CBX2: variants seen among roughly 807,000 people sequenced by gnomAD.
CBX2 encodes the protein chromobox protein homolog 2.
CBX2 carries 11 observed loss-of-function variants against 21.0 expected under a neutral mutation model. The ratio of observed to expected loss-of-function variants is 0.52; its 90% confidence interval spans 0.33 to 0.87. CBX2 has a LOEUF of 0.87. Ranked by LOEUF, CBX2 falls within the 40% of genes least tolerant of loss-of-function variation. CBX2 has a pLI of 0.02. For missense variants in CBX2, 746 were observed against 724.3 expected (o/e 1.03, Z -0.34); for synonymous variants, 364 against 304.6 (o/e 1.19, Z -2.03).
At position 79,784,871 on chromosome 17, in the gene CBX2, G is replaced by T. The variant is rs140909251; in HGVS notation, c.1428G>T (p.Pro476=). The T allele has an allele frequency of 2.4e-5, 39 of 1,613,118 alleles. No individual in the cohort carries two copies. Among genetic ancestry groups the T allele is most frequent in the South Asian group, 3.3e-5 (3 of 91,086 alleles). The part of the protein sequence containing the change: ...SSDSDPDSAS[P]PSTGQNPSVS... ...ACTCCGACCCCGACTCCGCCTCGCC[G>T]CCCAGCACTGGACAGAACCCGTCAG... The change falls in exon 5 of 5, where the codon CCG becomes CCT. Residue 476 remains proline, a synonymous_variant. Coordinates refer to ENST00000310942, the MANE Select transcript of CBX2 (RefSeq NM_005189.3). The surrounding 1 kb of genome is among the most constrained non-coding windows in gnomAD (Gnocchi z 5.9).
upstream of CBX2, among the ~76,000 whole-genome samples, chr17:79,777,681 CGG>C (rs1404010532): frequency 6.6e-6 from 1 of 152,060 alleles, no homozygotes; most frequent in Non-Finnish European, 1.5e-5. Flanking sequence ...TTCAAGAAGC[CGG>C]GGGAAGGGTG....
chr17:79,782,106 G>C, intron 4 of CBX2: 1 of 1,613,408 alleles, frequency 6.2e-7, no homozygotes, highest in East Asian at 2.2e-5. Flanking sequence ...CCTCCCAGGG[G>C]GTCCTTGGGG....
rs1185577539 is a variant in CBX2, at chr17:79,786,320, A to G, written c.*1278A>G. ...AGTATCATTTTCCCTGACAATCCCC[A>G]TCACCTTTAGGGGTTCCCTGCTTGG... On this transcript the variant is annotated 3_prime_UTR_variant, in exon 5 of 5. Transcript: ENST00000310942. 1 of 152,686 alleles carries G rather than the reference A, an allele frequency of 6.5e-6. No individual in the cohort carries two copies. The highest frequency in any genetic ancestry group is 2.4e-5 in the African/African-American group (1 of 41,450). The allele number at this position is 152,686 out of a possible 1,614,324, so 9.5% of individuals were successfully genotyped here. A position where few individuals can be genotyped will look rare whatever the true frequency, so the allele number is the denominator to read the frequency against.
Position 79,787,590 on chromosome 17 carries a change from G to T in CBX2, c.*2548G>T, listed in dbSNP as rs1178836720. On this transcript the variant is annotated 3_prime_UTR_variant, in exon 5 of 5. Transcript: ENST00000310942. ...TTTTTATTTGCTGCTATTTGTGTGT[G>T]TGTTTGTGTTTGTGTAGCTAGGTAT... 6.6e-6 allele frequency: 1 copy of T among 152,446 alleles called. No individual in the cohort carries two copies. Among genetic ancestry groups the T allele is most frequent in the Non-Finnish European group, 1.5e-5 (1 of 68,044 alleles). 9.4% of individuals were successfully genotyped at this position (152,446 alleles called of 1,614,324 possible).
chr17:79,779,085 C>T (rs1906963121), intron 2 of CBX2, among the ~76,000 whole-genome samples: 1 of 152,226 alleles, frequency 6.6e-6, no homozygotes, highest in African/African-American at 2.4e-5. Flanking sequence ...GTTTGTTTTT[C>T]TCCCAGGCAG....
At chr17:79,777,871 C>G (rs1486549537), upstream of CBX2, among the ~76,000 whole-genome samples, 1 of 150,262 alleles carries the variant, frequency 6.7e-6, no homozygotes, top group African/African-American at 2.4e-5. Context: ...GCGCCCCAGG[C>G]CCGAAGTCCC....
Position 79,785,067 on chromosome 17 carries a change from G to A in CBX2, c.*25G>A. 1.3e-6 allele frequency: 2 copies of A among 1,575,568 alleles called. No individual in the cohort carries two copies. Among genetic ancestry groups the A allele is most frequent in the Non-Finnish European group, 1.7e-6 (2 of 1,158,558 alleles). On this transcript the variant is annotated 3_prime_UTR_variant, in exon 5 of 5. Transcript: ENST00000310942. ...AAGCCCCGGCGCCACCAGCTGCGCG[G>A]TCTTACTCCCCTTCCCTGCCTATGG...
At position 79,787,075 on chromosome 17, in the gene CBX2, G is replaced by A. The variant is rs4335800; in HGVS notation, c.*2033G>A. 10 of 152,556 alleles carry A rather than the reference G, an allele frequency of 6.6e-5. No homozygotes were observed. The highest frequency in any genetic ancestry group is 2.4e-4 in the African/African-American group (10 of 41,592). 9.5% of individuals were successfully genotyped at this position (152,556 alleles called of 1,614,324 possible). ...GTAAGGGGAAGAGCTGCTCCCACAG[G>A]AGAGGGAGAGATTCCAGCTCACTGC... On this transcript the variant is annotated 3_prime_UTR_variant, in exon 5 of 5. Transcript: ENST00000310942.
In CBX2 at chr17:79,779,770, A is replaced by C. The variant is rs577416527; in HGVS notation, c.182+343A>C. The stretch of plus-strand genomic sequence containing the variant: ...GCCTTTTCTGCTGAGTAATTTGCAC[A>C]TGGCGCTAACAGAAAACCAGGAGAG... On this transcript the variant is annotated intron_variant, in intron 3 of 4. Coordinates refer to ENST00000310942, the MANE Select transcript of CBX2 (RefSeq NM_005189.3). 8 of 345,094 alleles carry C rather than the reference A, an allele frequency of 2.3e-5. No homozygotes were observed. The East Asian group carries it at 5.1e-4, about 22-fold the overall frequency. 21.4% of individuals were successfully genotyped at this position (345,094 alleles called of 1,614,324 possible).
At position 79,779,447 on chromosome 17, in the gene CBX2, TGGGGAGG is replaced by T; in HGVS notation, c.182+22_182+28del. 1 of 1,534,288 alleles carries T rather than the reference TGGGGAGG, an allele frequency of 6.5e-7. No individual in the cohort carries two copies. ...GAAGAAGTGAGGACGCTGACAGCAC[TGGGGAGG>T]GTGTGGGGGAGGGACGGTGGCTGGT... On this transcript the variant is annotated intron_variant, in intron 3 of 4. Transcript: ENST00000310942.
chr17:79,782,404 G>A (rs1555830630), intron 4 of CBX2: 1 of 1,364,736 alleles, frequency 7.3e-7, no homozygotes, highest in Non-Finnish European at 9.5e-7. Context: ...AGGTATGCAT[G>A]CGCCCCTGGG....
Position 79,779,346 on chromosome 17 carries a change from G to A in CBX2, c.117-16G>A. 1 of 1,612,906 alleles carries A rather than the reference G, an allele frequency of 6.2e-7. No individual in the cohort carries two copies. Among genetic ancestry groups the A allele is most frequent in the Non-Finnish European group, 8.5e-7 (1 of 1,179,606 alleles). ...TCAGCCTGGCGTCTAATGCTGCCCT[G>A]TCCTCTGCTTTGCAGACATAACAGC... On this transcript the variant is annotated splice_polypyrimidine_tract_variant and intron_variant, in intron 2 of 4. Coordinates refer to ENST00000310942, the MANE Select transcript of CBX2 (RefSeq NM_005189.3).
At position 79,784,586 on chromosome 17, in the gene CBX2, C is replaced by T. The variant is rs781965390; in HGVS notation, c.1143C>T (p.Val381=). ...GCCACGCCACCGCCACCAAGGGTGT[C>T]CCGGCCACCAACCCAGCCCCTGGGA... The part of the protein sequence containing the change: ...LARHATATKG[V]PATNPAPGKG... Residue 381 remains valine, a synonymous_variant, in exon 5 of 5, where the codon GTC becomes GTT. Transcript: ENST00000310942. This position sits in a 1 kb window ranked among gnomAD's most constrained non-coding sequence, Gnocchi z 5.9. 1 of 1,612,648 alleles carries T rather than the reference C, an allele frequency of 6.2e-7. No individual in the cohort carries two copies. The highest frequency in any genetic ancestry group is 8.5e-7 in the Non-Finnish European group (1 of 1,179,928).
Position 79,784,703 on chromosome 17 carries a change from G to A in CBX2, c.1260G>A (p.Ala420=), listed in dbSNP as rs530910308. 15 of 1,611,298 alleles carry A rather than the reference G, an allele frequency of 9.3e-6. No homozygotes were observed. The highest frequency in any genetic ancestry group is 3.3e-5 in the Admixed American group (2 of 59,834). The part of the protein sequence containing the change: ...KSEKLASRAV[A]PPTPASKRDC... Reference sequence around the variant, plus strand: ...AGAAGCTGGCTTCCAGAGCAGTGGCGCCACCCACCCCTGCCAGCAAGAGGG... The same window carrying A: ...AGAAGCTGGCTTCCAGAGCAGTGGCACCACCCACCCCTGCCAGCAAGAGGG... The change falls in exon 5 of 5, where the codon GCG becomes GCA. Residue 420 remains alanine, a synonymous_variant. Coordinates refer to ENST00000310942, the MANE Select transcript of CBX2 (RefSeq NM_005189.3). The surrounding 1 kb of genome is among the most constrained non-coding windows in gnomAD (Gnocchi z 5.9).
upstream of CBX2, chr17:79,778,123 G>A: frequency 2.9e-6 from 1 of 349,018 alleles, no homozygotes. This position sits in a 1 kb window ranked among gnomAD's most constrained non-coding sequence, Gnocchi z 4.8. Flanking sequence ...CGCGTGCGCG[G>A]GGCGGGCCGG....
rs1048649506 is a variant in CBX2, at chr17:79,782,379, G to A, written c.288+578G>A. 9 of 1,411,480 alleles carry A rather than the reference G, an allele frequency of 6.4e-6. No individual in the cohort carries two copies. The African/African-American group carries it at 1.0e-4, about 16-fold the overall frequency. The allele number at this position is 1,411,480 out of a possible 1,614,324, so 87.4% of individuals were successfully genotyped here. A position where few individuals can be genotyped will look rare whatever the true frequency, so the allele number is the denominator to read the frequency against. ...GTCACCCCTCCTCGCTACAGTGATGGGCTCACCCCGCCACAGGTATGCATG... is the reference window on the plus strand; with the variant it reads ...GTCACCCCTCCTCGCTACAGTGATGAGCTCACCCCGCCACAGGTATGCATG... On this transcript the variant is annotated intron_variant, in intron 4 of 4. Transcript: ENST00000310942.
rs1555831894 is a variant in CBX2 at position 79,786,323 on chromosome 17, A to C, written c.*1281A>C. The C allele has an allele frequency of 6.6e-6, 1 of 152,474 alleles. No homozygotes were observed. Among genetic ancestry groups the C allele is most frequent in the African/African-American group, 2.4e-5 (1 of 41,342 alleles). The allele number at this position is 152,474 out of a possible 1,614,324, so 9.4% of individuals were successfully genotyped here. A position where few individuals can be genotyped will look rare whatever the true frequency, so the allele number is the denominator to read the frequency against. ...ATCATTTTCCCTGACAATCCCCATCACCTTTAGGGGTTCCCTGCTTGGCTC... is the reference window on the plus strand; with the variant it reads ...ATCATTTTCCCTGACAATCCCCATCCCCTTTAGGGGTTCCCTGCTTGGCTC... On this transcript the variant is annotated 3_prime_UTR_variant, in exon 5 of 5. Transcript: ENST00000310942.
intron 3 of CBX2, among the ~76,000 whole-genome samples, chr17:79,781,066 G>C (rs895773625): frequency 5.3e-5 from 8 of 152,166 alleles, no homozygotes; most frequent in South Asian, 2.1e-4. Flanking sequence ...GGGGGCGGGG[G>C]GGGTACTGCG....
upstream of CBX2, chr17:79,778,140 G>A (rs1906866723): frequency 1.9e-6 from 1 of 521,518 alleles, no homozygotes; most frequent in Non-Finnish European, 2.5e-6. This position sits in a 1 kb window ranked among gnomAD's most constrained non-coding sequence, Gnocchi z 4.8. Flanking sequence ...CCGGCGCCGG[G>A]CGGGGGCGGT....
Sources: allele counts gnomAD v4.1 joint callset (sites outside exome capture counted in the v4.1 genomes callset), GRCh38; gene constraint gnomAD v4.1.1; non-coding constraint Gnocchi (gnomAD v3.1); transcripts MANE v1.5; gene names NCBI Gene and HGNC (gene_info 2026-07-23, HGNC 2026-07-21).